Variants in CCDC141 observed in about 807,000 individuals in gnomAD.
CCDC141 encodes the protein coiled-coil domain containing 141, also known as coiled-coil domain-containing protein 141.
Under a neutral mutation model 181.0 loss-of-function variants are expected in CCDC141, and 168 were observed. The ratio of observed to expected loss-of-function variants is 0.93; its 90% CI spans 0.82 to 1.05. The LOEUF (loss-of-function observed/expected upper bound fraction) is 1.05. Ranked by LOEUF, CCDC141 falls within the 50% of genes least tolerant of loss-of-function variation. The probability of loss-of-function intolerance (pLI) is 0.00; values close to 1 mark genes in which losing one functional copy is unlikely to be tolerated. For missense variants in CCDC141, 1,902 were observed against 1,788.5 expected (o/e 1.06, Z -1.14); for synonymous variants, 666 against 642.3 (o/e 1.04, Z -0.56).
At chr2:178,874,755 C>G (rs1377972867) in intron 12 of CCDC141, 1 of 152,202 alleles carries the variant, frequency 6.6e-6, no homozygotes, top group South Asian at 2.1e-4. Flanking sequence ...CAATTCTGTG[C>G]AGACAGGAAG....
chr2:178,924,138 G>A (rs1336590836), intron 6 of CCDC141, among the ~76,000 whole-genome samples: 1 of 152,198 alleles, frequency 6.6e-6, no homozygotes, highest in Admixed American at 6.5e-5. Flanking sequence ...TTCGTTATAA[G>A]CTTGACTTCA....
intron 5 of CCDC141, among the ~76,000 whole-genome samples, chr2:178,948,169 C>T (rs1041159319): frequency 1.3e-5 from 2 of 151,698 alleles, no homozygotes; most frequent in Non-Finnish European, 2.9e-5. Context: ...CCACTGCACT[C>T]CAGCTTGGGC....
rs1177070237 is a variant in CCDC141 at position 179,015,067 on chromosome 2, GAT to G, written c.225+32215_225+32216del. The stretch of plus-strand genomic sequence containing the variant: ...GTGGATAAACTGTGAGAGAGACAGA[GAT>G]ATATATATATATATATATATATATA... On this transcript the variant is annotated intron_variant, in intron 2 of 23. Transcript: ENST00000443758. Among the ~76,000 whole-genome samples the G allele has an allele frequency of 1.0e-3, 40 of 39,598 alleles. 1 individual carries two copies. The highest frequency in any genetic ancestry group is 4.2e-3 in the South Asian group (5 of 1,202). 26.0% of individuals were successfully genotyped at this position (39,598 alleles called of 152,430 possible). A position where few individuals can be genotyped will look rare whatever the true frequency, so the allele number is the denominator to read the frequency against.
chr2:178,937,306 G>A (rs141984634), intron 6 of CCDC141, among the ~76,000 whole-genome samples: 4 of 152,176 alleles, frequency 2.6e-5, no homozygotes, highest in African/African-American at 9.6e-5. Flanking sequence ...ATGAAGGAGT[G>A]CTTAATTTTA....
intron 8 of CCDC141, among the ~76,000 whole-genome samples, chr2:178,903,527 A>G (rs1687809195): frequency 6.9e-6 from 1 of 145,468 alleles, no homozygotes; most frequent in East Asian, 2.1e-4. Flanking sequence ...AACACCGCAT[A>G]TTCTCACTCA....
chr2:178,822,493 C>G, the CCDC141 span, among the ~76,000 whole-genome samples: 1 of 150,668 alleles, frequency 6.6e-6, no homozygotes, highest in African/African-American at 2.4e-5. Context: ...AGGAGTAATA[C>G]AGAATACTCC....
chr2:178,822,735 ATC>A, the CCDC141 span, among the ~76,000 whole-genome samples: 2 of 152,336 alleles, frequency 1.3e-5, no homozygotes, highest in Middle Eastern at 6.8e-3. Context: ...AGGGCCGTTT[ATC>A]TCATCTATGT....
chr2:178,978,232 A>G (rs555976065), intron 3 of CCDC141, among the ~76,000 whole-genome samples: 49 of 152,270 alleles, frequency 3.2e-4, no homozygotes, highest in Non-Finnish European at 6.3e-4. Context: ...GAGTGTTCCC[A>G]TTATTACTTA....
At chr2:178,942,576 TCATTCAATA>T (rs1689566993) in intron 6 of CCDC141, among the ~76,000 whole-genome samples, 1 of 152,184 alleles carries the variant, frequency 6.6e-6, no homozygotes, top group African/African-American at 2.4e-5. Flanking sequence ...TGATGTTCAA[TCATTCAATA>T]CATATCATCA....
At chr2:178,986,314 T>G (rs1314189652) in intron 2 of CCDC141, among the ~76,000 whole-genome samples, 1 of 152,110 alleles carries the variant, frequency 6.6e-6, no homozygotes, top group East Asian at 1.9e-4. Flanking sequence ...ATGGGACATA[T>G]TTCAAAATAA....
rs546812678 is a variant in CCDC141 at position 178,961,450 on chromosome 2, T to C, written c.560A>G (p.Lys187Arg). Residue 187 changes from lysine to arginine, a missense_variant, in exon 5 of 24, where the codon AAA (lysine) becomes AGA (arginine). Lys to Arg is a conservative substitution (Grantham distance 26). Coordinates refer to ENST00000443758, the MANE Select transcript of CCDC141 (RefSeq NM_173648.4). ...LLERSLALLN[K>R]SQQLTDFIEK... ...TATGAAGTCAGTGAGTTGTTGACTT[T>C]TGTTTAAAAGGGCTAAAGACCGTTC... The C allele has an allele frequency of 6.5e-7, 1 of 1,550,370 alleles. No individual in the cohort carries two copies. Among genetic ancestry groups the C allele is most frequent in the African/African-American group, 1.4e-5 (1 of 73,160 alleles).
intron 2 of CCDC141, among the ~76,000 whole-genome samples, chr2:179,003,130 T>C (rs927586801): frequency 3.3e-5 from 5 of 152,268 alleles, no homozygotes; most frequent in African/African-American, 1.2e-4. Flanking sequence ...AAATTGAAAA[T>C]TTTTCTTCTC....
chr2:179,026,409 T>G (rs961790097), intron 2 of CCDC141, among the ~76,000 whole-genome samples: 2 of 152,194 alleles, frequency 1.3e-5, no homozygotes, highest in Non-Finnish European at 2.9e-5. Flanking sequence ...CCCTGGCATC[T>G]TCCATGTGAT....
At chr2:178,849,035 T>A (rs62175455) in intron 21 of CCDC141, among the ~76,000 whole-genome samples, 23,951 of 152,012 alleles carry the variant, frequency 0.16, 2,395 homozygotes, top group Non-Finnish European at 0.22. Context: ...AAAAAAAATC[T>A]AGATTTTTAA....
rs1689650666 is a variant in CCDC141, at chr2:178,944,539, G to T, written c.893C>A (p.Ala298Glu). Reference sequence around the variant, plus strand: ...TGTGTCTAATATATCTCTTACCTTTGCTTTTATTATCAGTTCCTCTTGCTT... The same window carrying T: ...TGTGTCTAATATATCTCTTACCTTTTCTTTTATTATCAGTTCCTCTTGCTT... ...IHKQEELIIK[A>E]KEWNSAVEKL... The change falls in exon 6 of 24, where the codon GCA becomes GAA. Residue 298 changes from alanine to glutamate, a missense_variant. Ala to Glu is a moderately radical substitution (Grantham distance 107). Transcript: ENST00000443758. 2.8e-6 allele frequency: 4 copies of T among 1,452,248 alleles called. No homozygotes were observed. The South Asian group carries it at 5.3e-5, about 19-fold the overall frequency. The allele number at this position is 1,452,248 out of a possible 1,614,324, so 90.0% of individuals were successfully genotyped here.
At chr2:178,906,078 G>C (rs1483177005) in intron 7 of CCDC141, among the ~76,000 whole-genome samples, 1 of 152,082 alleles carries the variant, frequency 6.6e-6, no homozygotes, top group Non-Finnish European at 1.5e-5. Flanking sequence ...TTAGAATTTT[G>C]TTCTGAAGCC....
chr2:178,900,835 C>T (rs1043696937), intron 8 of CCDC141, among the ~76,000 whole-genome samples: 1 of 152,108 alleles, frequency 6.6e-6, no homozygotes, highest in Non-Finnish European at 1.5e-5. Context: ...ATGCCTTAAC[C>T]AACTAGAAAA....
intron 18 of CCDC141, 134 bp from the exon 19 acceptor site, chr2:178,855,675 T>TA: frequency 1.8e-6 from 1 of 547,248 alleles, no homozygotes; most frequent in East Asian, 3.3e-5. Flanking sequence ...TTATTACAAA[T>TA]ATATTATGGT....
intron 2 of CCDC141, among the ~76,000 whole-genome samples, chr2:179,015,640 C>CATATAGCTCAT: frequency 7.5e-6 from 1 of 133,770 alleles, no homozygotes; most frequent in African/African-American, 2.8e-5. Flanking sequence ...ACATATATCT[C>CATATAGCTCAT]ATATATATCT....
Sources: gnomAD v4.1 joint callset for allele counts (sites outside exome capture counted in the v4.1 genomes callset) on GRCh38, gnomAD v4.1.1 for gene constraint, MANE v1.5 for transcripts, NCBI Gene and HGNC (gene_info 2026-07-23, HGNC 2026-07-21) for gene names.